Variants in NYAP2 observed in about 807,000 individuals in gnomAD.
NYAP2 encodes neuronal tyrosine-phosphorylated phosphoinositide-3-kinase adaptor 2.
NYAP2 carries 23 observed loss-of-function variants against 50.4 expected under a neutral mutation model. That is an observed-to-expected ratio of 0.46 (90% CI 0.33 to 0.65). NYAP2 has a LOEUF of 0.65. NYAP2 is among the 30% of genes least tolerant of loss of function. The pLI, the probability that NYAP2 is intolerant of heterozygous loss-of-function variation, is 0.02. For missense variants in NYAP2, 885 were observed against 861.0 expected, an observed-to-expected ratio of 1.03 and a Z score of -0.35; for synonymous variants, 394 against 365.2, an observed-to-expected ratio of 1.08 and a Z score of -0.90.
chr2:225,399,186 C>T (rs1694817456), upstream of NYAP2, among the ~76,000 whole-genome samples: 1 of 152,006 alleles, frequency 6.6e-6, no homozygotes, highest in African/African-American at 2.4e-5. Context: ...CACATCCCCT[C>T]CCATCAAAAT....
At chr2:225,488,040 T>C (rs562704813) in intron 3 of NYAP2, among the ~76,000 whole-genome samples, 2 of 152,294 alleles carry the variant, frequency 1.3e-5, no homozygotes, top group South Asian at 2.1e-4. Flanking sequence ...TTCACAAAGT[T>C]CTCTTTGTTC....
chr2:225,402,696 T>C (rs936249692), intron 2 of NYAP2, among the ~76,000 whole-genome samples: 4 of 152,052 alleles, frequency 2.6e-5, no homozygotes, highest in African/African-American at 9.7e-5. Context: ...GTAGTCACTT[T>C]AGCAAGCTTT....
intron 6 of NYAP2, among the ~76,000 whole-genome samples, chr2:225,644,430 A>G (rs950392580): frequency 6.6e-6 from 1 of 151,374 alleles, no homozygotes; most frequent in Non-Finnish European, 1.5e-5. Context: ...TGCTGTGCAG[A>G]AGCTCTTTAG....
chr2:225,648,150 G>A (rs930067153), intron 6 of NYAP2, among the ~76,000 whole-genome samples: 3 of 152,028 alleles, frequency 2.0e-5, no homozygotes, highest in East Asian at 1.9e-4. Context: ...ACAGGCATCC[G>A]CCACCACGCC....
At chr2:225,575,256 C>T (rs1301045282) in intron 4 of NYAP2, among the ~76,000 whole-genome samples, 3 of 152,156 alleles carry the variant, frequency 2.0e-5, no homozygotes, top group Non-Finnish European at 4.4e-5. Context: ...TACAGCTGGT[C>T]TCCTCACTAT....
intron 4 of NYAP2, among the ~76,000 whole-genome samples, chr2:225,533,304 C>T (rs1691290121): frequency 6.6e-6 from 1 of 152,110 alleles, no homozygotes; most frequent in South Asian, 2.1e-4. Context: ...TTCTACTCTC[C>T]ATATACAATC....
At chr2:225,700,620 G>A in the NYAP2 span, 1 of 151,768 alleles carries the variant, frequency 6.6e-6, no homozygotes, top group African/African-American at 2.4e-5. Context: ...CCTGATTTAA[G>A]TTATTATGAC....
rs547061891 is a variant in NYAP2 at position 225,520,834 on chromosome 2, A to T, written c.523+7162A>T. 4.6e-3 allele frequency among the ~76,000 whole-genome samples: 694 copies of T among 152,066 alleles called. 6 individuals carry two copies. The highest frequency in any genetic ancestry group is 0.016 in the African/African-American group (667 of 41,446). ...GAAAGTCATTGGTAGCTTGATGGGG[A>T]TAGTATTGAATCTATAAATTACCTT... On this transcript the variant is annotated intron_variant, in intron 4 of 6. Coordinates refer to ENST00000636099, the Ensembl canonical transcript of NYAP2.
chr2:225,487,781 T>C (rs1690330296), intron 3 of NYAP2, among the ~76,000 whole-genome samples: 2 of 152,238 alleles, frequency 1.3e-5, no homozygotes, highest in South Asian at 2.1e-4. Context: ...TATATAGATA[T>C]ATTTTAGCAG....
intron 4 of NYAP2, among the ~76,000 whole-genome samples, chr2:225,571,457 T>C (rs947935643): frequency 6.6e-6 from 1 of 152,224 alleles, no homozygotes; most frequent in Non-Finnish European, 1.5e-5. Flanking sequence ...TAGGTGAAGA[T>C]TCCCAAACCC....
intron 5 of NYAP2, among the ~76,000 whole-genome samples, chr2:225,621,729 C>A (rs930301486): frequency 9.4e-5 from 14 of 149,348 alleles, no homozygotes; most frequent in African/African-American, 3.2e-4. Context: ...TTTAATTATA[C>A]TTTAAGTTCT....
At position 225,433,946 on chromosome 2, in the gene NYAP2, A is replaced by C. The variant is rs566388865; in HGVS notation, c.221+24845A>C. On this transcript the variant is annotated intron_variant, in intron 3 of 6. Transcript: ENST00000636099. ...GGGATGTAAAATGGAATGTGAATAA[A>C]ATGATTTGGAATGGCATGTATCTCT... Among the ~76,000 whole-genome samples the C allele has an allele frequency of 2.6e-5, 4 of 152,312 alleles. No homozygotes were observed. In the South Asian group the frequency reaches 8.3e-4, roughly 32 times the overall value.
Position 225,582,520 on chromosome 2 carries a change from A to G in NYAP2, c.1103A>G (p.Asn368Ser). 6.4e-7 allele frequency: 1 copy of G among 1,562,458 alleles called. No homozygotes were observed. Among genetic ancestry groups the G allele is most frequent in the Non-Finnish European group, 8.7e-7 (1 of 1,152,406 alleles). ...GTCACGAAGCTTCCCGTGCTGGAAA[A>G]CGTGTCTTACATGAAACAGCCAGCC... The change falls in exon 5 of 7, where the codon AAC (asparagine) becomes AGC (serine). Residue 368 changes from asparagine to serine, a missense_variant. Coordinates refer to ENST00000636099, the Ensembl canonical transcript of NYAP2. This position sits in a 1 kb window ranked among gnomAD's most constrained non-coding sequence, Gnocchi z 7.0.
At chr2:225,638,133 GAA>G (rs1693454807) in intron 6 of NYAP2, among the ~76,000 whole-genome samples, 3 of 150,622 alleles carry the variant, frequency 2.0e-5, no homozygotes, top group South Asian at 4.2e-4. Context: ...ATATTAGAGA[GAA>G]TTTTAAACAG....
exon 3 of NYAP2, chr2:225,409,099 G>A: frequency 6.4e-7 from 1 of 1,571,194 alleles, no homozygotes; most frequent in Non-Finnish European, 8.7e-7. Flanking sequence ...AAGCAATAAA[G>A]CGGTAAATAT....
chr2:225,515,069 T>A (rs1203944943), intron 4 of NYAP2, among the ~76,000 whole-genome samples: 1 of 152,198 alleles, frequency 6.6e-6, no homozygotes, highest in Non-Finnish European at 1.5e-5. Flanking sequence ...CTCTCATTGG[T>A]GTTCAGGTGC....
chr2:225,435,988 A>G (rs1405817790), intron 3 of NYAP2, among the ~76,000 whole-genome samples: 1 of 152,206 alleles, frequency 6.6e-6, no homozygotes, highest in South Asian at 2.1e-4. Context: ...GAACTATGTC[A>G]GATATTAAGA....
intron 5 of NYAP2, among the ~76,000 whole-genome samples, chr2:225,614,281 T>G (rs1692948039): frequency 6.6e-6 from 1 of 152,206 alleles, no homozygotes; most frequent in Non-Finnish European, 1.5e-5. Flanking sequence ...AGTTAATATT[T>G]TATTTATGAA....
chr2:225,498,412 GGAA>G (rs898874947), intron 3 of NYAP2, among the ~76,000 whole-genome samples: 8 of 152,120 alleles, frequency 5.3e-5, no homozygotes, highest in African/African-American at 1.9e-4. Context: ...GGGAGTGGAG[GGAA>G]GAAGAATTAT....
Sources: allele counts gnomAD v4.1 joint callset (sites outside exome capture counted in the v4.1 genomes callset), GRCh38; gene constraint gnomAD v4.1.1; non-coding constraint Gnocchi (gnomAD v3.1); transcripts MANE v1.5; gene names NCBI Gene and HGNC (gene_info 2026-07-23, HGNC 2026-07-21).